The following ATE1 variants were observed in gnomAD, a reference collection of about 807,000 sequenced individuals.
The protein encoded by ATE1 is arginyl-tRNA--protein transferase 1.
ATE1 carries 36 observed loss-of-function variants against 70.5 expected under a neutral mutation model. That is an observed-to-expected ratio of 0.51 (90% CI 0.39 to 0.67). The LOEUF is 0.67. Ranked by LOEUF, ATE1 falls within the 30% of genes least tolerant of loss-of-function variation. ATE1 has a pLI of 0.00. For synonymous variants in ATE1, 232 were observed against 219.3 expected (o/e 1.06, Z -0.51); for missense variants, 593 against 629.5 (o/e 0.94, Z 0.62).
chr10:121,742,097 G>C lies in ATE1; in HGVS notation c.*1583C>G, dbSNP rs1944166171. ...ATCCCAGAAAAATGTAAAATCTTGTGATCAGAGAAAATGGCTTTGCTCACT... is the reference window on the plus strand; with the variant it reads ...ATCCCAGAAAAATGTAAAATCTTGTCATCAGAGAAAATGGCTTTGCTCACT... On this transcript the variant is annotated 3_prime_UTR_variant, in exon 12 of 12. Coordinates refer to ENST00000224652, the MANE Select transcript of ATE1 (RefSeq NM_001001976.3). 1 of 152,182 alleles carries C rather than the reference G, an allele frequency of 6.6e-6. No individual in the cohort carries two copies. The highest frequency in any genetic ancestry group is 6.5e-5 in the Admixed American group (1 of 15,272). 9.4% of individuals were successfully genotyped at this position (152,182 alleles called of 1,614,324 possible).
At chr10:121,794,449 T>C (rs554580746) in intron 10 of ATE1, among the ~76,000 whole-genome samples, 4 of 151,494 alleles carry the variant, frequency 2.6e-5, no homozygotes, top group African/African-American at 9.7e-5. Context: ...TACAAAAAAA[T>C]TTTTTAATTA....
At chr10:121,852,099 A>G (rs1224061827) in intron 8 of ATE1, among the ~76,000 whole-genome samples, 1 of 152,226 alleles carries the variant, frequency 6.6e-6, no homozygotes, top group Non-Finnish European at 1.5e-5. Context: ...GAGACTGGAG[A>G]GTCATATGCC....
intron 10 of ATE1, among the ~76,000 whole-genome samples, chr10:121,799,468 G>A (rs1463050937): frequency 6.6e-6 from 1 of 151,600 alleles, no homozygotes; most frequent in Non-Finnish European, 1.5e-5. Flanking sequence ...CTCACCAATA[G>A]CAAATACAGA....
In ATE1 at chr10:121,899,809, T is replaced by C. The variant is rs919801380; in HGVS notation, c.942+57A>G. On this transcript the variant is annotated intron_variant, in intron 7 of 11. Coordinates refer to ENST00000224652, the MANE Select transcript of ATE1 (RefSeq NM_001001976.3). ...AATAAACCAAGATTTCATTAAATGA[T>C]ATTAAGTGGAAGGGAAAGCTCTGTT... 13 of 1,570,734 alleles carry C rather than the reference T, an allele frequency of 8.3e-6. No homozygotes were observed. The African/African-American group carries it at 1.6e-4, about 20-fold the overall frequency.
At chr10:121,764,010 A>G (rs11200137) in intron 11 of ATE1, among the ~76,000 whole-genome samples, 125,743 of 152,092 alleles carry the variant, frequency 0.83, 52,339 homozygotes, top group Non-Finnish European at 0.88. Flanking sequence ...ACCCTGTCTT[A>G]AAAAAATAAA....
intron 10 of ATE1, among the ~76,000 whole-genome samples, chr10:121,814,684 G>T (rs1402020460): frequency 6.6e-6 from 1 of 152,178 alleles, no homozygotes; most frequent in Non-Finnish European, 1.5e-5. Flanking sequence ...AAGAAGGAAA[G>T]AAGACCTAAG....
At chr10:121,855,164 C>T (rs772342229) in intron 8 of ATE1, among the ~76,000 whole-genome samples, 1 of 152,242 alleles carries the variant, frequency 6.6e-6, no homozygotes, top group African/African-American at 2.4e-5. Context: ...CCCCTCTCTG[C>T]TGTGGACAGC....
At chr10:121,843,148 T>A (rs963934547) in intron 8 of ATE1, among the ~76,000 whole-genome samples, 1 of 152,134 alleles carries the variant, frequency 6.6e-6, no homozygotes, top group Admixed American at 6.5e-5. Flanking sequence ...AAGGGTAATA[T>A]ACAAAAGTCA....
chr10:121,845,298 G>A (rs1948775164), intron 8 of ATE1, among the ~76,000 whole-genome samples: 1 of 152,138 alleles, frequency 6.6e-6, no homozygotes, highest in Admixed American at 6.5e-5. Context: ...GAAGCACAGG[G>A]ACTTTTAGGT....
intron 10 of ATE1, among the ~76,000 whole-genome samples, chr10:121,822,564 A>C (rs1241862708): frequency 1.3e-5 from 2 of 152,220 alleles, no homozygotes; most frequent in African/African-American, 4.8e-5. Context: ...AAGAAACTAC[A>C]GGTAGGTAAG....
At chr10:121,896,908 G>C (rs1419172293) in intron 7 of ATE1, among the ~76,000 whole-genome samples, 1 of 143,328 alleles carries the variant, frequency 7.0e-6, no homozygotes, top group Non-Finnish European at 1.5e-5. Context: ...ACTAAACTAA[G>C]TATTAATAGT....
intron 11 of ATE1, among the ~76,000 whole-genome samples, chr10:121,785,125 A>T (rs1946152485): frequency 6.6e-6 from 1 of 152,200 alleles, no homozygotes; most frequent in Admixed American, 6.5e-5. Context: ...TATGTTTATT[A>T]AGTATTCAGC....
intron 10 of ATE1, among the ~76,000 whole-genome samples, chr10:121,792,172 T>C (rs924961271): frequency 6.6e-6 from 1 of 151,864 alleles, no homozygotes; most frequent in African/African-American, 2.4e-5. Flanking sequence ...TGAAAAGAAA[T>C]GAGAACAATC....
chr10:121,778,524 T>C (rs1247651639), intron 11 of ATE1, among the ~76,000 whole-genome samples: 1 of 144,850 alleles, frequency 6.9e-6, no homozygotes, highest in Non-Finnish European at 1.5e-5. Flanking sequence ...TTCTTACACC[T>C]AAATGGCGCC....
chr10:121,919,823 A>C (rs1401693824), intron 3 of ATE1, among the ~76,000 whole-genome samples: 1 of 150,908 alleles, frequency 6.6e-6, no homozygotes, highest in Admixed American at 6.6e-5. Flanking sequence ...GCTAGAACCC[A>C]GGAGGCGGAC....
chr10:121,872,894 A>G (rs567443192), intron 7 of ATE1, among the ~76,000 whole-genome samples: 2 of 152,302 alleles, frequency 1.3e-5, no homozygotes, highest in Admixed American at 1.3e-4. Context: ...ACAGTAGTTA[A>G]GAGAAAGATC....
At chr10:121,752,535 C>T (rs559057959) in intron 11 of ATE1, among the ~76,000 whole-genome samples, 10 of 152,190 alleles carry the variant, frequency 6.6e-5, no homozygotes, top group African/African-American at 2.2e-4. Context: ...GGCATTTCTA[C>T]GAATTTTATA....
Position 121,846,267 on chromosome 10 carries a change from T to C in ATE1, c.976-5004A>G, listed in dbSNP as rs536249810. 2.6e-5 allele frequency among the ~76,000 whole-genome samples: 4 copies of C among 152,254 alleles called. No individual in the cohort carries two copies. The East Asian group carries it at 7.7e-4, about 29-fold the overall frequency. ...AAATAAAACAGTACTGACTTTATAA[T>C]CCCAAGTATGAGATAAATATTCATT... On this transcript the variant is annotated intron_variant, in intron 8 of 11. Transcript: ENST00000224652.
At chr10:121,899,202 T>TC (rs1491095081) in intron 7 of ATE1, among the ~76,000 whole-genome samples, 3 of 115,044 alleles carry the variant, frequency 2.6e-5, no homozygotes, top group Non-Finnish European at 6.4e-5. Flanking sequence ...CTTTTTTTTT[T>TC]CTCTCTCTCC....
Sources: allele counts gnomAD v4.1 joint callset (sites outside exome capture counted in the v4.1 genomes callset), GRCh38; gene constraint gnomAD v4.1.1; transcripts MANE v1.5; gene names NCBI Gene and HGNC (gene_info 2026-07-23, HGNC 2026-07-21).